ACO2: variants seen among roughly 807,000 people sequenced by gnomAD.
ACO2 encodes aconitase 2.
A neutral mutation model predicts 84.5 loss-of-function variants in ACO2; 31 were observed. The observed-to-expected ratio is 0.37, with a 90% confidence interval of 0.28 to 0.50. The LOEUF (loss-of-function observed/expected upper bound fraction) is 0.50, where lower values mean the gene tolerates loss of function less well. ACO2 is among the 20% of genes least tolerant of loss of function. The pLI, the probability that ACO2 is intolerant of heterozygous loss-of-function variation, is 0.97. For missense variants in ACO2, 685 were observed against 1,029.3 expected, an observed-to-expected ratio of 0.67 and a Z score of 4.58; for synonymous variants, 414 against 412.7, an observed-to-expected ratio of 1.00 and a Z score of -0.04.
intron 4 of ACO2, among the ~76,000 whole-genome samples, chr22:41,514,380 T>G (rs1199777355): frequency 3.9e-5 from 6 of 152,230 alleles, no homozygotes; most frequent in Non-Finnish European, 8.8e-5. Context: ...ATTCTGTGCC[T>G]CATGGACAGG....
intron 2 of ACO2, among the ~76,000 whole-genome samples, chr22:41,504,957 T>C (rs558469454): frequency 1.8e-4 from 28 of 152,016 alleles, no homozygotes; most frequent in African/African-American, 6.3e-4. Context: ...TCAAGTGATC[T>C]GTCTGCCTCG....
At chr22:41,506,034 G>A (rs1569012793) in intron 2 of ACO2, among the ~76,000 whole-genome samples, 2 of 152,026 alleles carry the variant, frequency 1.3e-5, no homozygotes, top group Non-Finnish European at 2.9e-5. Context: ...TGCTTATCTT[G>A]TTAAATAGTG....
intron 1 of ACO2, among the ~76,000 whole-genome samples, chr22:41,493,515 A>G (rs1374011529): frequency 2.6e-5 from 4 of 152,222 alleles, no homozygotes; most frequent in Non-Finnish European, 4.4e-5. Context: ...ACTGGCAAAG[A>G]CTGAAAGTCT....
chr22:41,523,279 G>A lies in ACO2; in HGVS notation c.1370+1G>A. 6.2e-7 allele frequency: 1 copy of A among 1,605,166 alleles called. No homozygotes were observed. The highest frequency in any genetic ancestry group is 1.1e-5 in the South Asian group (1 of 90,334). On this transcript the variant is annotated splice_donor_variant, in intron 11 of 17. Transcript: ENST00000216254. LOFTEE classifies it high-confidence loss of function. ...GCCCCTGCATTGGCCAGTGGGACAG[G>A]TAAGAGGCGTATCTTTTGACAAGAC...
chr22:41,523,945 A>T lies in ACO2; in HGVS notation c.1482+4A>T. ...TGCCTTTGTCACGTCCCCAGAGGTG[A>T]GACTGCCCAGCTGCGCACAAGCCTG... On this transcript the variant is annotated splice_donor_region_variant and intron_variant, in intron 12 of 17. Transcript: ENST00000216254. The T allele has an allele frequency of 6.2e-7, 1 of 1,612,842 alleles. No individual in the cohort carries two copies. Among genetic ancestry groups the T allele is most frequent in the Non-Finnish European group, 8.5e-7 (1 of 1,179,586 alleles).
At chr22:41,508,075 G>A (rs751953368) in intron 3 of ACO2, 26 bp downstream of exon 3, 7 of 1,593,942 alleles carry the variant, frequency 4.4e-6, no homozygotes, top group Admixed American at 1.7e-5. Flanking sequence ...CTTTGGGGGT[G>A]GGCAAGTGGG....
chr22:41,476,859 G>A (rs1569000056), intron 1 of ACO2, among the ~76,000 whole-genome samples: 1 of 151,856 alleles, frequency 6.6e-6, no homozygotes, highest in African/African-American at 2.4e-5. Flanking sequence ...TGAAAGGTAG[G>A]GAGAATGGGC....
intron 1 of ACO2, among the ~76,000 whole-genome samples, chr22:41,473,237 G>A (rs1352448289): frequency 6.6e-6 from 1 of 152,170 alleles, no homozygotes; most frequent in Non-Finnish European, 1.5e-5. Context: ...GGGCTCGGTG[G>A]CTCACGCCTG....
chr22:41,503,470 A>G (rs2066368531), intron 2 of ACO2, among the ~76,000 whole-genome samples: 1 of 152,016 alleles, frequency 6.6e-6, no homozygotes, highest in Admixed American at 6.6e-5. Flanking sequence ...AGCTGGGATT[A>G]CAGGCGCCTG....
intron 1 of ACO2, among the ~76,000 whole-genome samples, chr22:41,473,901 A>G (rs1402287971): frequency 1.3e-5 from 2 of 152,204 alleles, no homozygotes; most frequent in Non-Finnish European, 2.9e-5. Flanking sequence ...GAGGAGCGAA[A>G]GGTCTGAACA....
chr22:41,525,133 A>C (rs945490841), intron 13 of ACO2, 60 bp from the exon 14 acceptor site: 1 of 1,599,926 alleles, frequency 6.3e-7, no homozygotes, highest in East Asian at 2.2e-5. Context: ...GCCTTCTGAG[A>C]GTCTGTCCTT....
chr22:41,485,879 GC>G (rs2038148870), intron 1 of ACO2, among the ~76,000 whole-genome samples: 1 of 152,096 alleles, frequency 6.6e-6, no homozygotes, highest in Non-Finnish European at 1.5e-5. Flanking sequence ...GAGCCACCGT[GC>G]CTGGCCTCCT....
At chr22:41,504,605 C>T (rs917145009) in intron 2 of ACO2, among the ~76,000 whole-genome samples, 8 of 151,974 alleles carry the variant, frequency 5.3e-5, no homozygotes, top group South Asian at 4.2e-4. Context: ...GCGGTGCTGC[C>T]GCAATCGGCG....
intron 1 of ACO2, among the ~76,000 whole-genome samples, chr22:41,472,547 G>A (rs528065559): frequency 2.6e-5 from 4 of 152,198 alleles, no homozygotes; most frequent in African/African-American, 4.8e-5. Context: ...GTGTACTCTC[G>A]TTTGACAGTA....
chr22:41,528,548 G>C lies in ACO2; in HGVS notation c.2278G>C (p.Glu760Gln). The change falls in exon 18 of 18, where the codon GAG becomes CAG. Residue 760 changes from glutamate (E) to glutamine (Q), a missense_variant. By Grantham distance (29) the Glu-to-Gln change is conservative (BLOSUM62 2). Transcript: ENST00000216254. ...CATCCTCCTGAACCACACCTTCAAC[G>C]AGACGCAGATTGAGTGGTTCCGCGC... ...ETILLNHTFN[E>Q]TQIEWFRAGS... The C allele has an allele frequency of 6.2e-7, 1 of 1,613,182 alleles. No individual in the cohort carries two copies. Among genetic ancestry groups the C allele is most frequent in the Non-Finnish European group, 8.5e-7 (1 of 1,180,024 alleles).
chr22:41,511,832 A>G (rs1489247672), intron 3 of ACO2, 44 bp from the exon 4 acceptor site: 3 of 1,501,856 alleles, frequency 2.0e-6, no homozygotes, highest in Admixed American at 1.9e-5. Flanking sequence ...TCACCTGGAC[A>G]CAAACCATGT....
chr22:41,476,018 T>C (rs1470415941), intron 1 of ACO2, among the ~76,000 whole-genome samples: 1 of 151,990 alleles, frequency 6.6e-6, no homozygotes, highest in Non-Finnish European at 1.5e-5. Context: ...TAGTTACACA[T>C]CTGCAAAACA....
intron 12 of ACO2, 138 bp downstream of exon 12, chr22:41,524,079 G>A (rs544786182): frequency 5.4e-5 from 38 of 706,938 alleles, no homozygotes; most frequent in African/African-American, 2.8e-4. Flanking sequence ...AGCCTCAGGC[G>A]CATGCTTGGT....
rs781117483 is a variant in ACO2, at chr22:41,525,277, C to T, written c.1690C>T (p.Arg564Cys). Residue 564 changes from arginine to cysteine, a missense_variant, in exon 14 of 18, where the codon CGC becomes TGC. Transcript: ENST00000216254. ...TGTGGACGTGAGCCCCACCAGCCAG[C>T]GCCTGCAGCTCCTGGAGCCTTTTGA... ...QHVDVSPTSQ[R>C]LQLLEPFDKW... 2.5e-6 allele frequency: 4 copies of T among 1,614,060 alleles called. No homozygotes were observed. The highest frequency in any genetic ancestry group is 1.1e-5 in the South Asian group (1 of 91,070).
Sources: gnomAD v4.1 joint callset for allele counts (sites outside exome capture counted in the v4.1 genomes callset) on GRCh38, gnomAD v4.1.1 for gene constraint, MANE v1.5 for transcripts, NCBI Gene and HGNC (gene_info 2026-07-23, HGNC 2026-07-21) for gene names.